SEMA5A: variants seen among roughly 807,000 people sequenced by gnomAD.
The protein encoded by SEMA5A is semaphorin 5A, also known as semaphorin-5A.
Under a neutral mutation model 135.5 loss-of-function variants are expected in SEMA5A, and 55 were observed. The observed-to-expected ratio is 0.41, with a 90% confidence interval of 0.33 to 0.51. The LOEUF (loss-of-function observed/expected upper bound fraction) is 0.51. Among genes scored for constraint, SEMA5A ranks in the 20% least tolerant of loss-of-function variants. SEMA5A has a pLI of 0.37. For missense variants in SEMA5A, 1,290 were observed against 1,419.9 expected (o/e 0.91, Z 1.47); for synonymous variants, 580 against 546.5 (o/e 1.06, Z -0.85).
At chr5:9,378,851 T>G (rs897665095) in intron 3 of SEMA5A, among the ~76,000 whole-genome samples, 51 of 152,272 alleles carry the variant, frequency 3.3e-4, no homozygotes, top group African/African-American at 1.1e-3. Flanking sequence ...ATTATTTGTT[T>G]GTTTGTTTGC....
At chr5:9,502,777 G>T (rs1004664214) in intron 1 of SEMA5A, among the ~76,000 whole-genome samples, 1 of 152,170 alleles carries the variant, frequency 6.6e-6, no homozygotes, top group African/African-American at 2.4e-5. Flanking sequence ...GAAAACAGGG[G>T]CCACTCTACA....
chr5:9,062,330 A>T (rs1737228329), intron 18 of SEMA5A, among the ~76,000 whole-genome samples: 1 of 152,114 alleles, frequency 6.6e-6, no homozygotes, highest in Non-Finnish European at 1.5e-5. Context: ...GGGCTGAGAG[A>T]ATGGTCTTAA....
At chr5:9,191,462 A>T (rs42352) in intron 10 of SEMA5A, among the ~76,000 whole-genome samples, 93,496 of 152,148 alleles carry the variant, frequency 0.61, 30,226 homozygotes, top group Non-Finnish European at 0.72. Flanking sequence ...TCCTGGTACA[A>T]ATGGTGACTG....
At chr5:9,224,416 AGC>A (rs1236788371) in intron 8 of SEMA5A, among the ~76,000 whole-genome samples, 15 of 147,326 alleles carry the variant, frequency 1.0e-4, no homozygotes, top group Non-Finnish European at 3.0e-5. Context: ...AAAAAAAAAC[AGC>A]AAGTTTCTAT....
chr5:9,182,900 A>C (rs1744600207), intron 11 of SEMA5A, among the ~76,000 whole-genome samples: 1 of 152,098 alleles, frequency 6.6e-6, no homozygotes, highest in Non-Finnish European at 1.5e-5. Context: ...TCTTTTCTTT[A>C]CAGAACTTTC....
At chr5:9,382,969 G>T (rs1486350933) in intron 2 of SEMA5A, among the ~76,000 whole-genome samples, 4 of 152,204 alleles carry the variant, frequency 2.6e-5, no homozygotes, top group African/African-American at 9.6e-5. Flanking sequence ...GAAGAGTATA[G>T]CTTCTATAGG....
intron 16 of SEMA5A, among the ~76,000 whole-genome samples, chr5:9,092,262 G>T (rs537021750): frequency 6.6e-6 from 1 of 152,196 alleles, no homozygotes; most frequent in Non-Finnish European, 1.5e-5. Flanking sequence ...TGTATTTGTC[G>T]AATGCACAGG....
chr5:9,193,627 C>A (rs1011592193), intron 10 of SEMA5A, among the ~76,000 whole-genome samples: 1 of 152,136 alleles, frequency 6.6e-6, no homozygotes, highest in Non-Finnish European at 1.5e-5. Context: ...AGGCCGGGGG[C>A]GGTGGCTCAC....
chr5:9,149,775 T>C (rs1198929777), intron 12 of SEMA5A, among the ~76,000 whole-genome samples: 2 of 152,186 alleles, frequency 1.3e-5, no homozygotes, highest in Non-Finnish European at 2.9e-5. Flanking sequence ...AACATTTTCT[T>C]GTGGGAGAAA....
intron 4 of SEMA5A, among the ~76,000 whole-genome samples, chr5:9,323,988 C>T (rs1357648425): frequency 6.6e-6 from 1 of 151,346 alleles, no homozygotes; most frequent in East Asian, 2.0e-4. Flanking sequence ...CCATGGAAAA[C>T]CCAAGTAGTC....
chr5:9,388,478 A>G (rs987674770), intron 2 of SEMA5A, among the ~76,000 whole-genome samples: 5 of 151,984 alleles, frequency 3.3e-5, no homozygotes, highest in African/African-American at 7.2e-5. Flanking sequence ...AGAAAAAAAA[A>G]AAAAAGAAAA....
At chr5:9,473,140 T>TAAAA (rs61636060) in intron 1 of SEMA5A, among the ~76,000 whole-genome samples, 3 of 144,958 alleles carry the variant, frequency 2.1e-5, no homozygotes, top group Non-Finnish European at 3.0e-5. Context: ...TATATATATA[T>TAAAA]AATGCCCACA....
At chr5:9,165,634 G>A (rs1215442416) in intron 11 of SEMA5A, among the ~76,000 whole-genome samples, 1 of 152,132 alleles carries the variant, frequency 6.6e-6, no homozygotes, top group Non-Finnish European at 1.5e-5. Context: ...ATTCTCTGCC[G>A]CTATGTCCAA....
At chr5:9,519,285 A>G (rs1349348990) in intron 1 of SEMA5A, among the ~76,000 whole-genome samples, 1 of 152,230 alleles carries the variant, frequency 6.6e-6, no homozygotes, top group Non-Finnish European at 1.5e-5. Context: ...CTTTTTCCCA[A>G]TTAAATGTTG....
intron 1 of SEMA5A, among the ~76,000 whole-genome samples, chr5:9,540,360 C>G (rs775938862): frequency 6.7e-6 from 1 of 150,330 alleles, no homozygotes; most frequent in East Asian, 2.0e-4. Flanking sequence ...GAGGCCGAGG[C>G]GGGTGGATCA....
intron 1 of SEMA5A, among the ~76,000 whole-genome samples, chr5:9,465,125 G>T (rs1026933904): frequency 2.6e-5 from 4 of 152,202 alleles, no homozygotes; most frequent in Non-Finnish European, 4.4e-5. Flanking sequence ...AAAATGCTGG[G>T]CCCCAGGCCC....
rs778287228 is a variant in SEMA5A at position 9,063,115 on chromosome 5, A to T, written c.2300-10T>A. 6.2e-7 allele frequency: 1 copy of T among 1,604,508 alleles called. No individual in the cohort carries two copies. The highest frequency in any genetic ancestry group is 1.1e-5 in the South Asian group (1 of 89,844). On this transcript the variant is annotated splice_polypyrimidine_tract_variant and intron_variant, in intron 17 of 22. Transcript: ENST00000382496. ...AAATCCCCAGAAAGCCCTGCCAAGG[A>T]AACAGGTGAAGTGTGATTCTGTTAC...
chr5:9,195,479 G>C (rs1335862442), intron 10 of SEMA5A, among the ~76,000 whole-genome samples: 1 of 152,140 alleles, frequency 6.6e-6, no homozygotes, highest in African/African-American at 2.4e-5. Flanking sequence ...GCCCTTAAGA[G>C]TTATATTTAT....
At position 9,411,875 on chromosome 5, in the gene SEMA5A, G is replaced by A. The variant is rs1376869636; in HGVS notation, c.-78+25881C>T. On this transcript the variant is annotated intron_variant, in intron 2 of 22. Transcript: ENST00000382496. ...GGAGAATGGCGTGAACCCGGGAGGC[G>A]GAGCTTGCAGTGAGCCGAGATCCCG... 5.1e-3 allele frequency among the ~76,000 whole-genome samples: 2 copies of A among 396 alleles called. 1 individual carries two copies. Among genetic ancestry groups the A allele is most frequent in the African/African-American group, 5.3e-3 (2 of 378 alleles). The allele number at this position is 396 out of a possible 152,430, so 0.3% of individuals were successfully genotyped here.
Sources: allele counts gnomAD v4.1 joint callset (sites outside exome capture counted in the v4.1 genomes callset), GRCh38; gene constraint gnomAD v4.1.1; transcripts MANE v1.5; gene names NCBI Gene and HGNC (gene_info 2026-07-23, HGNC 2026-07-21).